The following ANLN variants were observed in gnomAD, a reference collection of about 807,000 sequenced individuals.
ANLN encodes anillin, actin binding protein.
A neutral mutation model predicts 135.1 loss-of-function variants in ANLN; 59 were observed. The ratio of observed to expected loss-of-function variants is 0.44; its 90% CI spans 0.35 to 0.54. ANLN has a LOEUF of 0.54. ANLN is among the 20% of genes least tolerant of loss of function. ANLN has a pLI of 0.00. For missense variants in ANLN, 1,182 were observed against 1,340.0 expected, an observed-to-expected ratio of 0.88 and a Z score of 1.84; for synonymous variants, 406 against 456.4, an observed-to-expected ratio of 0.89 and a Z score of 1.41.
chr7:36,413,652 A>C (rs945972894), intron 7 of ANLN, among the ~76,000 whole-genome samples: 1 of 152,210 alleles, frequency 6.6e-6, no homozygotes, highest in Non-Finnish European at 1.5e-5. Flanking sequence ...CCACAGACTA[A>C]GCAGCCAAAG....
chr7:36,422,804 A>T lies in ANLN; in HGVS notation c.2471A>T (p.Lys824Ile), dbSNP rs1183193528. ...KADFVCSTVQ[K>I]PDAANYYYLI... ...GATTTTGTCTGCAGTACGGTTCAGA[A>T]ACCAGGTATGGTGGTGATTTTTCTA... Residue 824 changes from lysine (K) to isoleucine (I), a missense_variant, in exon 14 of 24, where the codon AAA becomes ATA. By Grantham distance (102) the Lys-to-Ile change is moderately radical. Transcript: ENST00000265748. The T allele has an allele frequency of 1.9e-6, 3 of 1,599,282 alleles. No homozygotes were observed. Among genetic ancestry groups the T allele is most frequent in the Non-Finnish European group, 1.7e-6 (2 of 1,175,518 alleles).
intron 5 of ANLN, among the ~76,000 whole-genome samples, chr7:36,410,275 C>CA (rs543149958): frequency 1.9e-3 from 280 of 150,306 alleles, no homozygotes; most frequent in African/African-American, 6.4e-3. Context: ...TCTACCTTTT[C>CA]AAAATTTTTT....
chr7:36,438,517 A>G (rs961633186), intron 20 of ANLN, among the ~76,000 whole-genome samples: 1 of 152,132 alleles, frequency 6.6e-6, no homozygotes, highest in Admixed American at 6.5e-5. Flanking sequence ...TACTACAGAC[A>G]TCTGCCACCA....
At position 36,449,640 on chromosome 7, in the gene ANLN, A is replaced by G. The variant is rs374170983; in HGVS notation, c.3079-25A>G. On this transcript the variant is annotated intron_variant, in intron 22 of 23. Coordinates refer to ENST00000265748, the MANE Select transcript of ANLN (RefSeq NM_018685.5). ...GACTTAAATAGTCTTATTTTCTACT[A>G]ATTTCTCTTAATTTGTTTTTAAAGA... is the stretch of plus-strand genomic sequence containing the variant. 62 of 1,576,892 alleles carry G rather than the reference A, an allele frequency of 3.9e-5. No individual in the cohort carries two copies. In the East Asian group the frequency reaches 4.5e-4, roughly 11 times the overall value.
At position 36,399,293 on chromosome 7, in the gene ANLN, G is replaced by C. The variant is rs1786840596; in HGVS notation, c.387G>C (p.Gly129=). 1 of 1,614,018 alleles carries C rather than the reference G, an allele frequency of 6.2e-7. No homozygotes were observed. Among genetic ancestry groups the C allele is most frequent in the Non-Finnish European group, 8.5e-7 (1 of 1,180,034 alleles). The part of the protein sequence containing the change: ...VPASLLGMRR[G]LNSRLEATAA... ...CATCACTGCTGGGCATGAGGAGAGG[G>C]CTGAACTCAAGATTGGAAGCAACTG... The change falls in exon 3 of 24, where the codon GGG becomes GGC. Residue 129 remains glycine, a synonymous_variant. Transcript: ENST00000265748.
At chr7:36,430,356 A>G (rs537877588) in intron 20 of ANLN, among the ~76,000 whole-genome samples, 1 of 152,300 alleles carries the variant, frequency 6.6e-6, no homozygotes, top group East Asian at 1.9e-4. Context: ...CGGATTTAGG[A>G]CACCACTGTC....
chr7:36,435,598 G>T (rs1272011912), intron 20 of ANLN, among the ~76,000 whole-genome samples: 2 of 151,986 alleles, frequency 1.3e-5, no homozygotes, highest in Admixed American at 6.5e-5. Context: ...CCATGGCCGG[G>T]CGCGGTGGCT....
At chr7:36,391,437 A>C (rs767894712) in intron 1 of ANLN, among the ~76,000 whole-genome samples, 3 of 152,216 alleles carry the variant, frequency 2.0e-5, no homozygotes, top group Non-Finnish European at 4.4e-5. Context: ...ATCTCAACTG[A>C]AAGAAACTTT....
intron 7 of ANLN, among the ~76,000 whole-genome samples, chr7:36,413,205 C>G (rs1388438687): frequency 1.3e-5 from 2 of 152,094 alleles, no homozygotes; most frequent in Non-Finnish European, 2.9e-5. Flanking sequence ...ACAACTCTTG[C>G]AACCCATTCC....
intron 4 of ANLN, among the ~76,000 whole-genome samples, chr7:36,407,431 A>C (rs1007183143): frequency 1.2e-4 from 18 of 152,180 alleles, no homozygotes; most frequent in Non-Finnish European, 1.6e-4. Flanking sequence ...TAAAGGTACT[A>C]GTGCAATAAT....
chr7:36,407,013 T>A (rs1787218839), intron 4 of ANLN, among the ~76,000 whole-genome samples: 3 of 152,240 alleles, frequency 2.0e-5, no homozygotes, highest in African/African-American at 7.2e-5. Context: ...TTTCACTGTA[T>A]ATCCTTTTGA....
chr7:36,434,073 T>A (rs1788430820), intron 20 of ANLN, among the ~76,000 whole-genome samples: 1 of 152,222 alleles, frequency 6.6e-6, no homozygotes, highest in South Asian at 2.1e-4. Flanking sequence ...TGTCTTGTAA[T>A]TTTTTAACTG....
Position 36,443,743 on chromosome 7 carries a change from T to C in ANLN, c.2971-12T>C. ...AACTTTCTAAAGCCAGCATTTCAACTGACTTTTCCAGACCATATTTGAAGA... is the reference window on the plus strand; with the variant it reads ...AACTTTCTAAAGCCAGCATTTCAACCGACTTTTCCAGACCATATTTGAAGA... On this transcript the variant is annotated splice_polypyrimidine_tract_variant and intron_variant, in intron 21 of 23. Transcript: ENST00000265748. 6.3e-7 allele frequency: 1 copy of C among 1,595,418 alleles called. No individual in the cohort carries two copies. Among genetic ancestry groups the C allele is most frequent in the African/African-American group, 1.3e-5 (1 of 74,778 alleles).
rs1372079393 is a variant in ANLN, at chr7:36,452,747, C to A, written c.*147C>A. On this transcript the variant is annotated 3_prime_UTR_variant, in exon 24 of 24. Transcript: ENST00000265748. ...ACTACGTATTATGCAGTATTTATAT[C>A]TTTTGTATGTAAAACTTTAACTGAT... is the stretch of plus-strand genomic sequence containing the variant. The A allele has an allele frequency of 1.2e-6, 1 of 829,630 alleles. No homozygotes were observed. Among genetic ancestry groups the A allele is most frequent in the Non-Finnish European group, 1.8e-6 (1 of 557,386 alleles). 51.4% of individuals were successfully genotyped at this position (829,630 alleles called of 1,614,324 possible). A position where few individuals can be genotyped will look rare whatever the true frequency, so the allele number is the denominator to read the frequency against.
chr7:36,421,914 C>T lies in ANLN; in HGVS notation c.2221C>T (p.Leu741Phe), dbSNP rs1183746702. The T allele has an allele frequency of 1.9e-6, 3 of 1,613,604 alleles. No homozygotes were observed. Among genetic ancestry groups the T allele is most frequent in the East Asian group, 2.2e-5 (1 of 44,826 alleles). Residue 741 changes from leucine (L) to phenylalanine (F), a missense_variant, in exon 13 of 24, where the codon CTT becomes TTT. Transcript: ENST00000265748. ...QTVIYQASQA[L>F]NCCVDEEHGK... Reference sequence around the variant, plus strand: ...AGTGATCTATCAAGCTAGCCAGGCTCTTAACTGCTGTGTTGATGAAGAACA... The same window carrying T: ...AGTGATCTATCAAGCTAGCCAGGCTTTTAACTGCTGTGTTGATGAAGAACA...
At chr7:36,421,765 A>G (rs1787885657) in intron 12 of ANLN, 92 bp from the exon 13 acceptor site, 2 of 1,225,796 alleles carry the variant, frequency 1.6e-6, no homozygotes, top group South Asian at 3.5e-5. Flanking sequence ...AATTCTAGAA[A>G]CTATCCAATC....
chr7:36,423,764 AG>A (rs1448620093), intron 14 of ANLN, 52 bp from the exon 15 acceptor site: 2 of 1,519,822 alleles, frequency 1.3e-6, no homozygotes, highest in Non-Finnish European at 1.8e-6. Context: ...AATGCTGATT[AG>A]CTAAATCTGA....
At chr7:36,392,997 T>G (rs1786543635) in intron 1 of ANLN, among the ~76,000 whole-genome samples, 1 of 151,996 alleles carries the variant, frequency 6.6e-6, no homozygotes, top group Non-Finnish European at 1.5e-5. Context: ...ATTTATTAAT[T>G]TAGAAAGGAG....
chr7:36,435,181 T>G (rs999742488), intron 20 of ANLN, among the ~76,000 whole-genome samples: 2 of 152,148 alleles, frequency 1.3e-5, no homozygotes, highest in Non-Finnish European at 2.9e-5. Context: ...TTCAGTGAGT[T>G]TTAACAAATG....
Sources: allele counts gnomAD v4.1 joint callset (sites outside exome capture counted in the v4.1 genomes callset), GRCh38; gene constraint gnomAD v4.1.1; transcripts MANE v1.5; gene names NCBI Gene and HGNC (gene_info 2026-07-23, HGNC 2026-07-21).